Variants in ZDHHC21 observed in about 807,000 individuals in gnomAD.
The protein encoded by ZDHHC21 is palmitoyltransferase ZDHHC21.
A neutral mutation model predicts 34.6 loss-of-function variants in ZDHHC21; 15 were observed. The observed-to-expected ratio is 0.43, with a 90% CI of 0.29 to 0.67. ZDHHC21 has a LOEUF of 0.67. Ranked by LOEUF, ZDHHC21 falls within the 30% of genes least tolerant of loss-of-function variation. The pLI, the probability that ZDHHC21 is intolerant of heterozygous loss-of-function variation, is 0.14. For synonymous variants in ZDHHC21, 142 were observed against 101.8 expected (o/e 1.40, Z -2.38); for missense variants, 344 against 327.7 (o/e 1.05, Z -0.38).
chr9:14,607,945 T>G (rs1823069055), downstream of ZDHHC21, among the ~76,000 whole-genome samples: 5 of 152,162 alleles, frequency 3.3e-5, no homozygotes, highest in South Asian at 1.0e-3. Context: ...CAGCACAGTA[T>G]CGTGCACTGA....
At chr9:14,647,596 T>A (rs904244905) in intron 7 of ZDHHC21, among the ~76,000 whole-genome samples, 2 of 152,116 alleles carry the variant, frequency 1.3e-5, no homozygotes, top group Non-Finnish European at 2.9e-5. Flanking sequence ...CCAACCACCA[T>A]GTCATTGGCT....
At chr9:14,682,066 G>C (rs1219521955) in intron 2 of ZDHHC21, among the ~76,000 whole-genome samples, 1 of 152,106 alleles carries the variant, frequency 6.6e-6, no homozygotes, top group African/African-American at 2.4e-5. Context: ...GGAACAACCG[G>C]TACCAGCCAC....
At chr9:14,659,599 C>T (rs1398990163) in intron 6 of ZDHHC21, among the ~76,000 whole-genome samples, 1 of 152,148 alleles carries the variant, frequency 6.6e-6, no homozygotes, top group African/African-American at 2.4e-5. Flanking sequence ...GCAAAAAACC[C>T]TAGTTCAAGA....
At chr9:14,633,433 C>G (rs1022080452) in intron 8 of ZDHHC21, among the ~76,000 whole-genome samples, 3 of 152,158 alleles carry the variant, frequency 2.0e-5, no homozygotes, top group African/African-American at 7.2e-5. Flanking sequence ...AGTCTCAAGA[C>G]TAATGGGAGC....
rs531296063 is a variant in ZDHHC21, at chr9:14,664,744, A to T, written c.254-2418T>A. 5.4e-3 allele frequency among the ~76,000 whole-genome samples: 815 copies of T among 152,138 alleles called. 4 individuals carry two copies. The highest frequency in any genetic ancestry group is 8.7e-3 in the Non-Finnish European group (589 of 67,986). ...CACCCCCCAGCAGGGGCACACTGAC[A>T]TCTCACACAGCAGGGTATTCCAACA... On this transcript the variant is annotated intron_variant, in intron 5 of 9. Transcript: ENST00000380916.
chr9:14,617,697 G>A lies in ZDHHC21; in HGVS notation c.*1269C>T, dbSNP rs1824497492. On this transcript the variant is annotated 3_prime_UTR_variant, in exon 10 of 10. Coordinates refer to ENST00000380916, the MANE Select transcript of ZDHHC21 (RefSeq NM_178566.6). ...ATACTAAATGTCTTTTCATACAAAT[G>A]TTCTATGCCTTGCAAAAGAACATCA... The A allele has an allele frequency of 1.3e-5, 2 of 151,766 alleles. No homozygotes were observed. The highest frequency in any genetic ancestry group is 2.9e-5 in the Non-Finnish European group (2 of 67,862). 9.4% of individuals were successfully genotyped at this position (151,766 alleles called of 1,614,324 possible).
chr9:14,653,421 T>G (rs1003850325), intron 7 of ZDHHC21, among the ~76,000 whole-genome samples: 3 of 152,022 alleles, frequency 2.0e-5, no homozygotes, highest in Non-Finnish European at 4.4e-5. Flanking sequence ...ACACAGTAAA[T>G]GTAATTTACA....
chr9:14,676,891 T>A (rs998341530), intron 3 of ZDHHC21, among the ~76,000 whole-genome samples: 2 of 152,038 alleles, frequency 1.3e-5, no homozygotes, highest in African/African-American at 4.8e-5. Flanking sequence ...ATTATTAATT[T>A]TATGTACCTT....
At chr9:14,682,744 G>C (rs1837600821) in intron 2 of ZDHHC21, among the ~76,000 whole-genome samples, 1 of 152,130 alleles carries the variant, frequency 6.6e-6, no homozygotes, top group Non-Finnish European at 1.5e-5. Flanking sequence ...ACCCTTCTCA[G>C]CACCACATCG....
the ZDHHC21 span, among the ~76,000 whole-genome samples, chr9:14,597,859 A>T: frequency 4.0e-5 from 6 of 151,676 alleles, no homozygotes; most frequent in Non-Finnish European, 8.8e-5. Flanking sequence ...GCCTACCAAC[A>T]CCCAGACACA....
the ZDHHC21 span, among the ~76,000 whole-genome samples, chr9:14,595,116 A>T: frequency 2.0e-5 from 3 of 152,334 alleles, no homozygotes; most frequent in East Asian, 5.8e-4. Context: ...ATAGTTTATT[A>T]AAAAATTAAA....
At chr9:14,645,003 C>T (rs1830050647) in intron 7 of ZDHHC21, among the ~76,000 whole-genome samples, 1 of 151,904 alleles carries the variant, frequency 6.6e-6, no homozygotes, top group African/African-American at 2.4e-5. Flanking sequence ...AGTTTTGCTC[C>T]CAAGTGGGAG....
chr9:14,606,834 T>C (rs150862342), downstream of ZDHHC21, among the ~76,000 whole-genome samples: 2 of 151,876 alleles, frequency 1.3e-5, no homozygotes, highest in African/African-American at 4.8e-5. Flanking sequence ...AAACAAAGAA[T>C]ACACAAGAGA....
rs560436866 is a variant in ZDHHC21, at chr9:14,614,240, CA to C, written c.*4725del. On this transcript the variant is annotated 3_prime_UTR_variant, in exon 10 of 10. Transcript: ENST00000380916. ...TACCTATTCTCTAGGGTGGACAAGG[CA>C]AAAAGAACATAATAATAGTAAAAAA... 16 of 151,332 alleles carry C rather than the reference CA, an allele frequency of 1.1e-4. No individual in the cohort carries two copies. The East Asian group carries it at 2.9e-3, about 28-fold the overall frequency. The allele number at this position is 151,332 out of a possible 1,614,324, so 9.4% of individuals were successfully genotyped here.
the ZDHHC21 span, among the ~76,000 whole-genome samples, chr9:14,602,053 G>A: frequency 3.9e-5 from 6 of 151,904 alleles, no homozygotes; most frequent in African/African-American, 1.5e-4. Context: ...TGTAGGTGAC[G>A]GGTTGATGGG....
chr9:14,653,695 G>A (rs1358124387), intron 7 of ZDHHC21, among the ~76,000 whole-genome samples: 3 of 151,912 alleles, frequency 2.0e-5, no homozygotes, highest in Non-Finnish European at 4.4e-5. Context: ...GTTTTGCACT[G>A]CACAACTCCA....
chr9:14,679,515 C>T (rs1393215261), intron 3 of ZDHHC21, among the ~76,000 whole-genome samples: 2 of 152,076 alleles, frequency 1.3e-5, no homozygotes, highest in African/African-American at 4.8e-5. Context: ...AGAAAACAGA[C>T]CAGCCAAACT....
intron 8 of ZDHHC21, among the ~76,000 whole-genome samples, chr9:14,623,287 T>G (rs1011781022): frequency 1.3e-5 from 2 of 151,832 alleles, no homozygotes; most frequent in Non-Finnish European, 2.9e-5. Flanking sequence ...CCAAGGCAGG[T>G]GGATTGCTTG....
At chr9:14,598,268 C>G in the ZDHHC21 span, among the ~76,000 whole-genome samples, 1 of 152,160 alleles carries the variant, frequency 6.6e-6, no homozygotes, top group Non-Finnish European at 1.5e-5. Context: ...GTGTCCTCAT[C>G]TCCAGCAAAG....
Sources: allele counts gnomAD v4.1 joint callset (sites outside exome capture counted in the v4.1 genomes callset), GRCh38; gene constraint gnomAD v4.1.1; transcripts MANE v1.5; gene names NCBI Gene and HGNC (gene_info 2026-07-23, HGNC 2026-07-21).